The following DLGAP2 variants were observed in gnomAD, a reference collection of about 807,000 sequenced individuals.
DLGAP2 encodes DLG associated protein 2, also known as disks large-associated protein 2.
A neutral mutation model predicts 100.3 loss-of-function variants in DLGAP2; 26 were observed. The ratio of observed to expected loss-of-function variants is 0.26; its 90% confidence interval spans 0.19 to 0.36. The LOEUF (loss-of-function observed/expected upper bound fraction) is 0.36, where lower values mean the gene tolerates loss of function less well. DLGAP2 is among the 10% of genes least tolerant of loss of function. The pLI, the probability that DLGAP2 is intolerant of heterozygous loss-of-function variation, is 1.00. For missense variants in DLGAP2, 1,858 were observed against 1,453.2 expected, an observed-to-expected ratio of 1.28 and a Z score of -4.53; for synonymous variants, 886 against 630.1, an observed-to-expected ratio of 1.41 and a Z score of -6.08.
intron 3 of DLGAP2, among the ~76,000 whole-genome samples, chr8:1,430,934 G>C (rs748578929): frequency 6.6e-6 from 1 of 152,198 alleles, no homozygotes; most frequent in Admixed American, 6.5e-5. Context: ...GCTGTTGACT[G>C]TCTCTGGGGT....
At chr8:858,127 G>T (rs910213484) in intron 1 of DLGAP2, among the ~76,000 whole-genome samples, 5 of 152,208 alleles carry the variant, frequency 3.3e-5, no homozygotes, top group African/African-American at 1.2e-4. Context: ...AGAGTGTCGG[G>T]ATTACAGGCG....
In DLGAP2 at chr8:1,549,079, C is replaced by T; in HGVS notation, c.626C>T (p.Thr209Met). Residue 209 changes from threonine to methionine, a missense_variant, in exon 5 of 15, where the codon ACG becomes ATG. Thr to Met is a moderately conservative substitution (Grantham distance 81). Coordinates refer to ENST00000637795, the MANE Select transcript of DLGAP2 (RefSeq NM_001346810.2). ...QLPLHRDGFH[T>M]LQYQRTSAAA... ...CCGCTGCACCGGGACGGCTTCCACA[C>T]GCTGCAGTACCAGAGGACGTCCGCG... is the stretch of plus-strand genomic sequence containing the variant. 1.9e-6 allele frequency: 3 copies of T among 1,587,180 alleles called. No individual in the cohort carries two copies. Among genetic ancestry groups the T allele is most frequent in the Non-Finnish European group, 2.6e-6 (3 of 1,170,368 alleles).
At chr8:859,164 TGC>T (rs1317331892) in intron 1 of DLGAP2, among the ~76,000 whole-genome samples, 2 of 150,708 alleles carry the variant, frequency 1.3e-5, no homozygotes, top group Admixed American at 6.6e-5. Flanking sequence ...CAGGCTGGAG[TGC>T]AGTGGCGCAA....
chr8:1,548,801 G>A lies in DLGAP2; in HGVS notation c.348G>A (p.Ala116=), dbSNP rs1203600581. 10 of 1,580,172 alleles carry A rather than the reference G, an allele frequency of 6.3e-6. No homozygotes were observed. Among genetic ancestry groups the A allele is most frequent in the South Asian group, 2.3e-5 (2 of 88,158 alleles). The change falls in exon 5 of 15, where the codon GCG becomes GCA. Residue 116 remains alanine (A), a synonymous_variant. Coordinates refer to ENST00000637795, the MANE Select transcript of DLGAP2 (RefSeq NM_001346810.2). ...AGCACCTGCACCACGGGCCCGACGC[G>A]CGGCCGCCCTACCTGCTGAGCCCCG... ...DCEHLHHGPD[A]RPPYLLSPAD...
intron 1 of DLGAP2, among the ~76,000 whole-genome samples, chr8:785,991 G>A (rs1821851970): frequency 6.6e-6 from 1 of 152,242 alleles, no homozygotes; most frequent in Non-Finnish European, 1.5e-5. Context: ...GAGGTGTGAT[G>A]TGTCACCGTC....
At chr8:1,600,107 A>C (rs1021619759) in intron 6 of DLGAP2, among the ~76,000 whole-genome samples, 1 of 152,076 alleles carries the variant, frequency 6.6e-6, no homozygotes, top group Non-Finnish European at 1.5e-5. Flanking sequence ...TGTGTAAAGG[A>C]TTTTATTTCT....
intron 8 of DLGAP2, among the ~76,000 whole-genome samples, chr8:1,639,740 C>A (rs906185043): frequency 6.6e-6 from 1 of 152,224 alleles, no homozygotes; most frequent in Non-Finnish European, 1.5e-5. Flanking sequence ...TGGAGGCTTC[C>A]GGGGAGCCCG....
Position 1,194,981 on chromosome 8 carries a change from G to A in DLGAP2, c.74-63870G>A, listed in dbSNP as rs192122344. Among the ~76,000 whole-genome samples the A allele has an allele frequency of 2.9e-3, 436 of 152,238 alleles. 13 individuals are homozygous for A. Among genetic ancestry groups the A allele is most frequent in the Admixed American group, 0.027 (406 of 15,302 alleles). ...CCCAGCATAGGGCTGCACCCCCTCC[G>A]CTCTCCCGGCCTTCATTCCTCGTGC... On this transcript the variant is annotated intron_variant, in intron 2 of 14. Transcript: ENST00000637795.
intron 2 of DLGAP2, among the ~76,000 whole-genome samples, chr8:1,244,890 G>C (rs1320569257): frequency 6.6e-6 from 1 of 152,170 alleles, no homozygotes; most frequent in Non-Finnish European, 1.5e-5. Context: ...GTGTAAAAAA[G>C]GTTTCTATTT....
At position 1,109,003 on chromosome 8, in the gene DLGAP2, G is replaced by T. The variant is rs28627265; in HGVS notation, c.74-149848G>T. ...TGTGAGGTGTGCACATGCCTATGAAGTGTGCTGGGTCTGTGAGGTGTGAAT... is the reference window on the plus strand; with the variant it reads ...TGTGAGGTGTGCACATGCCTATGAATTGTGCTGGGTCTGTGAGGTGTGAAT... On this transcript the variant is annotated intron_variant, in intron 2 of 14. Coordinates refer to ENST00000637795, the MANE Select transcript of DLGAP2 (RefSeq NM_001346810.2). Among the ~76,000 whole-genome samples, 289 of 142,946 alleles carry T rather than the reference G, an allele frequency of 2.0e-3. 1 individual carries two copies. The highest frequency in any genetic ancestry group is 7.4e-3 in the African/African-American group (280 of 37,906). The allele number at this position is 142,946 out of a possible 152,430, so 93.8% of individuals were successfully genotyped here.
chr8:926,098 G>C (rs1462789373), intron 2 of DLGAP2, among the ~76,000 whole-genome samples: 1 of 152,158 alleles, frequency 6.6e-6, no homozygotes, highest in East Asian at 1.9e-4. Context: ...GGGCCTCGCT[G>C]ACTTGGGAGG....
chr8:1,581,982 C>A (rs1803286308), intron 6 of DLGAP2, among the ~76,000 whole-genome samples: 2 of 148,938 alleles, frequency 1.3e-5, no homozygotes, highest in South Asian at 4.3e-4. Context: ...CACACATGTA[C>A]ACACCACAGT....
chr8:1,054,245 C>T (rs1374739072), intron 2 of DLGAP2, among the ~76,000 whole-genome samples: 3 of 151,878 alleles, frequency 2.0e-5, no homozygotes, highest in Admixed American at 1.3e-4. Context: ...CACATGTACA[C>T]ACACGTACAC....
At chr8:1,626,526 A>G (rs1403376171) in intron 6 of DLGAP2, among the ~76,000 whole-genome samples, 4,613 of 89,124 alleles carry the variant, frequency 0.052, 8 homozygotes, top group Middle Eastern at 0.12. Flanking sequence ...TCTACCCTGC[A>G]GCAGGTGCTC....
intron 2 of DLGAP2, among the ~76,000 whole-genome samples, chr8:1,243,948 C>T (rs990280697): frequency 2.0e-5 from 3 of 152,204 alleles, no homozygotes; most frequent in African/African-American, 7.2e-5. Flanking sequence ...TCCTCATCTA[C>T]CTTCCAGCTC....
At chr8:1,115,692 G>A (rs573630766) in intron 2 of DLGAP2, among the ~76,000 whole-genome samples, 1 of 152,146 alleles carries the variant, frequency 6.6e-6, no homozygotes, top group Admixed American at 6.5e-5. Flanking sequence ...TGCTGCCAGG[G>A]ATCCCCAGTG....
At chr8:924,748 A>AT (rs888192110) in intron 2 of DLGAP2, among the ~76,000 whole-genome samples, 7 of 151,326 alleles carry the variant, frequency 4.6e-5, no homozygotes, top group Middle Eastern at 3.4e-3. Context: ...ATGCCTGGCT[A>AT]TTTTTTTGTA....
intron 3 of DLGAP2, among the ~76,000 whole-genome samples, chr8:1,499,757 C>A (rs11774149): frequency 0.58 from 87,614 of 152,110 alleles, 26,440 homozygotes; most frequent in South Asian, 0.71. Flanking sequence ...ATGAAATGAA[C>A]TCTTAGTTCA....
Position 1,164,115 on chromosome 8 carries a change from C to T in DLGAP2, c.74-94736C>T, listed in dbSNP as rs1386995274. ...CTGGGGACAGATTTTTCTGTGAGCCCGCAGGGCCCGTCATTTTGGTTTGTG... is the reference window on the plus strand; with the variant it reads ...CTGGGGACAGATTTTTCTGTGAGCCTGCAGGGCCCGTCATTTTGGTTTGTG... On this transcript the variant is annotated intron_variant, in intron 2 of 14. Transcript: ENST00000637795. 1.6e-5 allele frequency among the ~76,000 whole-genome samples: 2 copies of T among 128,542 alleles called. 1 individual carries two copies. 84.3% of individuals were successfully genotyped at this position (128,542 alleles called of 152,430 possible).
Sources: allele counts gnomAD v4.1 joint callset (sites outside exome capture counted in the v4.1 genomes callset), GRCh38; gene constraint gnomAD v4.1.1; transcripts MANE v1.5; gene names NCBI Gene and HGNC (gene_info 2026-07-23, HGNC 2026-07-21).